TEF: variants seen among roughly 807,000 people sequenced by gnomAD.
TEF encodes TEF transcription factor, PAR bZIP family member, also known as thyrotroph embryonic factor.
In TEF, 3 loss-of-function variants were observed where a neutral mutation model predicts 20.8. That is an observed-to-expected ratio of 0.14 (90% confidence interval 0.07 to 0.37). The LOEUF is 0.37. Ranked by LOEUF, TEF falls within the 10% of genes least tolerant of loss-of-function variation. The pLI is 1.00. For missense variants in TEF, 296 were observed against 397.9 expected (o/e 0.74, Z 2.18); for synonymous variants, 180 against 171.1 (o/e 1.05, Z -0.41).
intron 1 of TEF, among the ~76,000 whole-genome samples, chr22:41,376,298 G>A (rs1291145768): frequency 3.9e-5 from 6 of 152,308 alleles, no homozygotes; most frequent in African/African-American, 1.2e-4. Flanking sequence ...GTGCAGTGGC[G>A]CAATCTCGGC....
chr22:41,374,755 C>G (rs1422965841), intron 1 of TEF, among the ~76,000 whole-genome samples: 1 of 151,372 alleles, frequency 6.6e-6, no homozygotes, highest in Non-Finnish European at 1.5e-5. Flanking sequence ...AGAATCTTAA[C>G]TAAGTTGAAG....
chr22:41,386,061 G>A (rs2037093603), intron 1 of TEF, among the ~76,000 whole-genome samples: 1 of 151,962 alleles, frequency 6.6e-6, no homozygotes, highest in Admixed American at 6.6e-5. Context: ...TCCTGACCTC[G>A]GGATCCACTC....
At position 41,396,192 on chromosome 22, in the gene TEF, A is replaced by G. The variant is rs575809638; in HGVS notation, c.*232A>G. The G allele has an allele frequency of 1.2e-5, 6 of 514,366 alleles. No individual in the cohort carries two copies. In the Admixed American group the frequency reaches 2.0e-4, roughly 17 times the overall value. 31.9% of individuals were successfully genotyped at this position (514,366 alleles called of 1,614,324 possible). On this transcript the variant is annotated 3_prime_UTR_variant, in exon 4 of 4. Coordinates refer to ENST00000266304, the MANE Select transcript of TEF (RefSeq NM_003216.4). ...GGGGAACGCAAGAGAATCTGCGTAG[A>G]TGGGTGACTCAGCCTTAGTTTCTAT...
chr22:41,383,149 G>A (rs1283505924), intron 1 of TEF, among the ~76,000 whole-genome samples: 2 of 152,058 alleles, frequency 1.3e-5, no homozygotes, highest in Non-Finnish European at 2.9e-5. Flanking sequence ...ATAGGCCTTC[G>A]AGAGTTGTCT....
At position 41,396,023 on chromosome 22, in the gene TEF, G is replaced by A. The variant is rs920953643; in HGVS notation, c.*63G>A. On this transcript the variant is annotated 3_prime_UTR_variant, in exon 4 of 4. Transcript: ENST00000266304. ...TCAGACCTCTGCCTGGGGGCTCCCT[G>A]TAACCCCTCACACGCGTGGAGACTT... 2 of 1,546,428 alleles carry A rather than the reference G, an allele frequency of 1.3e-6. No homozygotes were observed. Among genetic ancestry groups the A allele is most frequent in the African/African-American group, 2.7e-5 (2 of 73,414 alleles).
At chr22:41,384,788 CGTT>C (rs1197975718) in intron 1 of TEF, among the ~76,000 whole-genome samples, 1 of 152,034 alleles carries the variant, frequency 6.6e-6, no homozygotes, top group Non-Finnish European at 1.5e-5. Flanking sequence ...CTTTCGCCCT[CGTT>C]GTCCAGGCTG....
upstream of TEF, among the ~76,000 whole-genome samples, chr22:41,381,476 G>A (rs1405066367): frequency 6.6e-6 from 1 of 152,202 alleles, no homozygotes; most frequent in Non-Finnish European, 1.5e-5. Context: ...CGCGCGAGCA[G>A]GAGCTCGGAT....
intron 1 of TEF, among the ~76,000 whole-genome samples, chr22:41,382,425 G>T (rs1367105195): frequency 6.6e-6 from 1 of 152,048 alleles, no homozygotes; most frequent in Non-Finnish European, 1.5e-5. Flanking sequence ...GTGGGGAGAG[G>T]TTTTGAGGAG....
chr22:41,377,115 T>G (rs968619841), upstream of TEF: 1 of 152,288 alleles, frequency 6.6e-6, no homozygotes, highest in East Asian at 1.9e-4. Context: ...TCCTCCCACC[T>G]CAGCCTCCTG....
At chr22:41,378,508 G>A (rs1005378026), upstream of TEF, among the ~76,000 whole-genome samples, 8 of 152,084 alleles carry the variant, frequency 5.3e-5, no homozygotes, top group Admixed American at 4.6e-4. Context: ...ACCACACCCA[G>A]CTAATTTTTT....
At chr22:41,391,297 C>T (rs974128823) in intron 2 of TEF, among the ~76,000 whole-genome samples, 1 of 151,122 alleles carries the variant, frequency 6.6e-6, no homozygotes, top group African/African-American at 2.4e-5. Context: ...GGGTTGGAGG[C>T]GTGACTGACC....
chr22:41,367,652 G>A lies in TEF; in HGVS notation c.67+53G>A, dbSNP rs1010826440. 1.7e-5 allele frequency: 26 copies of A among 1,526,800 alleles called. No homozygotes were observed. The Middle Eastern group carries it at 5.1e-4, about 30-fold the overall frequency. 94.6% of individuals were successfully genotyped at this position (1,526,800 alleles called of 1,614,324 possible). A position where few individuals can be genotyped will look rare whatever the true frequency, so the allele number is the denominator to read the frequency against. On this transcript the variant is annotated intron_variant, in intron 1 of 3. Transcript: ENST00000406644. Reference sequence around the variant, plus strand: ...TGGCTGCCCAGGTACTCGAGGGGGCGAGGGGGCAGCCACAGGCACAGTGGC... The same window carrying A: ...TGGCTGCCCAGGTACTCGAGGGGGCAAGGGGGCAGCCACAGGCACAGTGGC...
chr22:41,382,784 G>C (rs1001428610), intron 1 of TEF, among the ~76,000 whole-genome samples: 3 of 151,822 alleles, frequency 2.0e-5, no homozygotes, highest in Non-Finnish European at 2.9e-5. Flanking sequence ...TGAGCGGGTG[G>C]GGGGGGTGTG....
At position 41,396,252 on chromosome 22, in the gene TEF, C is replaced by T; in HGVS notation, c.*292C>T. 2 of 376,472 alleles carry T rather than the reference C, an allele frequency of 5.3e-6. No individual in the cohort carries two copies. The highest frequency in any genetic ancestry group is 3.1e-5 in the South Asian group (1 of 31,866). The allele number at this position is 376,472 out of a possible 1,614,324, so 23.3% of individuals were successfully genotyped here. A position where few individuals can be genotyped will look rare whatever the true frequency, so the allele number is the denominator to read the frequency against. On this transcript the variant is annotated 3_prime_UTR_variant, in exon 4 of 4. Coordinates refer to ENST00000266304, the MANE Select transcript of TEF (RefSeq NM_003216.4). Reference sequence around the variant, plus strand: ...TCCCAGTTGAATCAGAAGGGGACCTCTGGAGTACACACCTCTCTCCTGGGC... The same window carrying T: ...TCCCAGTTGAATCAGAAGGGGACCTTTGGAGTACACACCTCTCTCCTGGGC...
Position 41,382,098 on chromosome 22 carries a change from C to G in TEF, c.54C>G (p.Pro18=). ...KKPPVDPQAG[P]GPGPGRAAGE... is the part of the protein sequence containing the mutation. ...CGCCTGTGGACCCGCAGGCAGGACC[C>G]GGTCCGGGGCCGGGGCGCGCAGCTG... The change falls in exon 1 of 4, where the codon CCC becomes CCG. Residue 18 remains proline, a synonymous_variant. Coordinates refer to ENST00000266304, the MANE Select transcript of TEF (RefSeq NM_003216.4). 1 of 1,232,470 alleles carries G rather than the reference C, an allele frequency of 8.1e-7. No individual in the cohort carries two copies. The highest frequency in any genetic ancestry group is 1.0e-6 in the Non-Finnish European group (1 of 987,982). 76.3% of individuals were successfully genotyped at this position (1,232,470 alleles called of 1,614,324 possible). A position where few individuals can be genotyped will look rare whatever the true frequency, so the allele number is the denominator to read the frequency against.
intron 1 of TEF, among the ~76,000 whole-genome samples, chr22:41,386,391 A>G (rs1323126896): frequency 6.6e-6 from 1 of 152,090 alleles, no homozygotes; most frequent in Non-Finnish European, 1.5e-5. Context: ...CAGTGAGCCT[A>G]GATTGTGCCA....
chr22:41,368,728 C>T (rs2036848241), intron 1 of TEF, among the ~76,000 whole-genome samples: 1 of 152,126 alleles, frequency 6.6e-6, no homozygotes, highest in Non-Finnish European at 1.5e-5. Flanking sequence ...GGGCTCAGGC[C>T]CCTCCGACCA....
In TEF at chr22:41,398,213, C is replaced by T. The variant is rs2037253432; in HGVS notation, c.*2253C>T. 1 of 153,190 alleles carries T rather than the reference C, an allele frequency of 6.5e-6. No homozygotes were observed. The highest frequency in any genetic ancestry group is 1.5e-5 in the Non-Finnish European group (1 of 68,046). 9.5% of individuals were successfully genotyped at this position (153,190 alleles called of 1,614,324 possible). A position where few individuals can be genotyped will look rare whatever the true frequency, so the allele number is the denominator to read the frequency against. Reference sequence around the variant, plus strand: ...AAAAGAAGTGCTCAGGTAAGGTTGTCTCCTCTCCTGTCCTAAAAAAATCCA... The same window carrying T: ...AAAAGAAGTGCTCAGGTAAGGTTGTTTCCTCTCCTGTCCTAAAAAAATCCA... On this transcript the variant is annotated 3_prime_UTR_variant, in exon 4 of 4. Transcript: ENST00000266304.
At chr22:41,373,662 G>A (rs1437897848) in intron 1 of TEF, among the ~76,000 whole-genome samples, 4 of 151,756 alleles carry the variant, frequency 2.6e-5, no homozygotes, top group Non-Finnish European at 4.4e-5. Flanking sequence ...TAGAGACGAG[G>A]TGTCACCATC....
Sources: allele counts gnomAD v4.1 joint callset (sites outside exome capture counted in the v4.1 genomes callset), GRCh38; gene constraint gnomAD v4.1.1; transcripts MANE v1.5; gene names NCBI Gene and HGNC (gene_info 2026-07-23, HGNC 2026-07-21).